Variants in SLC4A10 observed in about 807,000 individuals in gnomAD.
The protein encoded by SLC4A10 is solute carrier family 4 member 10, also known as sodium-driven chloride bicarbonate exchanger.
A neutral mutation model predicts 137.7 loss-of-function variants in SLC4A10; 42 were observed. The observed-to-expected ratio is 0.30, with a 90% CI of 0.24 to 0.39. SLC4A10 has a LOEUF of 0.39. SLC4A10 is among the 10% of genes least tolerant of loss of function. The probability of loss-of-function intolerance (pLI) is 1.00; values close to 1 mark genes in which losing one functional copy is unlikely to be tolerated. For missense variants in SLC4A10, 925 were observed against 1,355.0 expected (o/e 0.68, Z 4.98); for synonymous variants, 474 against 464.1 (o/e 1.02, Z -0.27).
intron 1 of SLC4A10, among the ~76,000 whole-genome samples, chr2:161,736,646 G>T: frequency 6.6e-6 from 1 of 152,168 alleles, no homozygotes; most frequent in Middle Eastern, 3.4e-3. Flanking sequence ...AGAAAAGAAT[G>T]GGGGTAACCT....
At chr2:161,788,784 C>T (rs889556064) in intron 2 of SLC4A10, among the ~76,000 whole-genome samples, 1 of 152,154 alleles carries the variant, frequency 6.6e-6, no homozygotes, top group Non-Finnish European at 1.5e-5. Context: ...GATGGGGAGA[C>T]AGGTCCCACC....
intron 1 of SLC4A10, among the ~76,000 whole-genome samples, chr2:161,720,433 A>T (rs74497596): frequency 0.018 from 2,695 of 152,270 alleles, 118 homozygotes; most frequent in East Asian, 0.13. Context: ...TTCTGTGAAG[A>T]AAGTCATTGG....
In SLC4A10 at chr2:161,944,185, C is replaced by T. The variant is rs1344498774; in HGVS notation, c.2103+1288C>T. 2.0e-5 allele frequency among the ~76,000 whole-genome samples: 3 copies of T among 151,816 alleles called. No individual in the cohort carries two copies. The East Asian group carries it at 5.8e-4, about 29-fold the overall frequency. On this transcript the variant is annotated intron_variant, in intron 16 of 26. Transcript: ENST00000446997. Reference sequence around the variant, plus strand: ...ACTGAACAATAAAAGAATTGATGAGCTGATCAAGAAAAAACACTATAGTTA... The same window carrying T: ...ACTGAACAATAAAAGAATTGATGAGTTGATCAAGAAAAAACACTATAGTTA...
intron 1 of SLC4A10, among the ~76,000 whole-genome samples, chr2:161,732,666 T>C (rs960601451): frequency 1.3e-5 from 2 of 152,186 alleles, no homozygotes; most frequent in Non-Finnish European, 2.9e-5. Flanking sequence ...GAAGCAACTT[T>C]GGAACTGGGT....
At chr2:161,736,099 T>A (rs886396446) in intron 1 of SLC4A10, among the ~76,000 whole-genome samples, 10 of 152,116 alleles carry the variant, frequency 6.6e-5, no homozygotes, top group African/African-American at 2.2e-4. Flanking sequence ...TTATAGTTTT[T>A]ATAAAGAATT....
intron 1 of SLC4A10, among the ~76,000 whole-genome samples, chr2:161,707,219 C>A (rs969825186): frequency 6.6e-6 from 1 of 151,438 alleles, no homozygotes; most frequent in Admixed American, 6.6e-5. Context: ...GTGTCTCCAA[C>A]CTGTGCAGTT....
intron 1 of SLC4A10, among the ~76,000 whole-genome samples, chr2:161,755,391 G>GT (rs1319121822): frequency 6.6e-6 from 1 of 152,198 alleles, no homozygotes; most frequent in African/African-American, 2.4e-5. Context: ...TAGAAGCTGT[G>GT]TTGTGTGACT....
intron 12 of SLC4A10, among the ~76,000 whole-genome samples, chr2:161,902,473 A>T (rs1683338754): frequency 6.6e-6 from 1 of 152,106 alleles, no homozygotes; most frequent in Non-Finnish European, 1.5e-5. Flanking sequence ...GATCCCTAAA[A>T]TAAAAAAAAG....
chr2:161,694,486 G>T (rs1331481520), intron 1 of SLC4A10, among the ~76,000 whole-genome samples: 2 of 149,190 alleles, frequency 1.3e-5, no homozygotes, highest in Non-Finnish European at 3.0e-5. Flanking sequence ...AAAAAAAAAA[G>T]GAATAAAGCC....
intron 15 of SLC4A10, among the ~76,000 whole-genome samples, chr2:161,910,932 C>G (rs1374417193): frequency 1.3e-5 from 2 of 151,734 alleles, no homozygotes; most frequent in African/African-American, 4.8e-5. Context: ...AATTTTATCT[C>G]CCGTAGTCCC....
intron 15 of SLC4A10, among the ~76,000 whole-genome samples, chr2:161,907,985 C>A: frequency 6.6e-6 from 1 of 152,130 alleles, no homozygotes; most frequent in East Asian, 1.9e-4. Context: ...TTTGAACCTT[C>A]ATGGTAGCTT....
chr2:161,646,559 T>A (rs2036057015), intron 1 of SLC4A10, among the ~76,000 whole-genome samples: 1 of 151,982 alleles, frequency 6.6e-6, no homozygotes, highest in African/African-American at 2.4e-5. Flanking sequence ...GTGAAAGTCT[T>A]TATACCTATA....
At chr2:161,809,854 A>C (rs561885406) in intron 3 of SLC4A10, among the ~76,000 whole-genome samples, 1 of 152,168 alleles carries the variant, frequency 6.6e-6, no homozygotes, top group South Asian at 2.1e-4. Flanking sequence ...TGCTTTGGCT[A>C]TTTGGGCTCT....
At chr2:161,687,201 A>C (rs1425651976) in intron 1 of SLC4A10, among the ~76,000 whole-genome samples, 1 of 152,144 alleles carries the variant, frequency 6.6e-6, no homozygotes, top group East Asian at 1.9e-4. Flanking sequence ...AAGATATCAG[A>C]ATATGTGCAT....
intron 1 of SLC4A10, among the ~76,000 whole-genome samples, chr2:161,753,258 A>G (rs578086674): frequency 9.9e-5 from 15 of 152,076 alleles, no homozygotes; most frequent in Admixed American, 2.0e-4. Flanking sequence ...AGCTTTAATA[A>G]TCATATCAAA....
chr2:161,634,532 G>A (rs993386644), intron 1 of SLC4A10, among the ~76,000 whole-genome samples: 10 of 151,822 alleles, frequency 6.6e-5, no homozygotes, highest in Non-Finnish European at 1.3e-4. Flanking sequence ...TTATGGAGGT[G>A]TCTGCCTCAT....
intron 1 of SLC4A10, among the ~76,000 whole-genome samples, chr2:161,647,996 A>AT (rs1360565095): frequency 2.6e-5 from 4 of 152,196 alleles, no homozygotes; most frequent in Non-Finnish European, 4.4e-5. Flanking sequence ...GCATTCATGC[A>AT]TTTTTCAAAA....
chr2:161,708,916 A>G, intron 1 of SLC4A10: 2 of 1,381,828 alleles, frequency 1.4e-6, no homozygotes, highest in Non-Finnish European at 1.9e-6. Flanking sequence ...ATATTCATTA[A>G]TGTAATTGTT....
chr2:161,688,554 T>C (rs1191924015), intron 1 of SLC4A10, among the ~76,000 whole-genome samples: 2 of 152,206 alleles, frequency 1.3e-5, no homozygotes, highest in African/African-American at 2.4e-5. Context: ...AACAATTTCA[T>C]AATCAATACT....
Sources: allele counts gnomAD v4.1 joint callset (sites outside exome capture counted in the v4.1 genomes callset), GRCh38; gene constraint gnomAD v4.1.1; transcripts MANE v1.5; gene names NCBI Gene and HGNC (gene_info 2026-07-23, HGNC 2026-07-21).